FAF1: variants seen among roughly 807,000 people sequenced by gnomAD.
FAF1 encodes the protein Fas associated factor 1, also known as FAS-associated factor 1.
FAF1 carries 25 observed loss-of-function variants against 92.5 expected under a neutral mutation model. That is an observed-to-expected ratio of 0.27 (90% CI 0.20 to 0.38). The LOEUF (loss-of-function observed/expected upper bound fraction) is 0.38. FAF1 is among the 10% of genes least tolerant of loss of function. FAF1 has a pLI of 1.00. For synonymous variants in FAF1, 234 were observed against 273.2 expected (o/e 0.86, Z 1.42); for missense variants, 636 against 793.3 (o/e 0.80, Z 2.38).
intron 7 of FAF1, among the ~76,000 whole-genome samples, chr1:50,664,003 T>C (rs943700828): frequency 6.7e-6 from 1 of 149,266 alleles, no homozygotes; most frequent in African/African-American, 2.5e-5. Context: ...TTAATCTTTT[T>C]TTTTTTTTTT....
chr1:50,734,235 T>C (rs1480882469), intron 6 of FAF1, among the ~76,000 whole-genome samples: 1 of 152,240 alleles, frequency 6.6e-6, no homozygotes, highest in Admixed American at 6.5e-5. Context: ...CCATCAAGTT[T>C]TCTGAAAATA....
Position 50,819,750 on chromosome 1 carries a change from T to C in FAF1, c.115-18073A>G, listed in dbSNP as rs868261313. ...ATATACATATATATACATATATATA[T>C]ACATATATATATACGTATATATATA... On this transcript the variant is annotated intron_variant, in intron 2 of 18. Coordinates refer to ENST00000396153, the MANE Select transcript of FAF1 (RefSeq NM_007051.3). Among the ~76,000 whole-genome samples, 34 of 68,908 alleles carry C rather than the reference T, an allele frequency of 4.9e-4. 1 individual carries two copies. Among genetic ancestry groups the C allele is most frequent in the South Asian group, 1.6e-3 (3 of 1,860 alleles). The allele number at this position is 68,908 out of a possible 152,430, so 45.2% of individuals were successfully genotyped here.
intron 18 of FAF1, among the ~76,000 whole-genome samples, chr1:50,453,067 C>A (rs1179232831): frequency 6.6e-6 from 1 of 152,256 alleles, no homozygotes; most frequent in Admixed American, 6.5e-5. Flanking sequence ...TTTGGCCTCA[C>A]TTTCCCAGTT....
chr1:50,585,312 A>G (rs1426808996), intron 9 of FAF1, among the ~76,000 whole-genome samples: 4 of 152,204 alleles, frequency 2.6e-5, no homozygotes, highest in African/African-American at 9.6e-5. Context: ...AACATGAAAT[A>G]CACTACATAT....
intron 7 of FAF1, among the ~76,000 whole-genome samples, chr1:50,696,846 G>C (rs1657255957): frequency 6.6e-6 from 1 of 152,052 alleles, no homozygotes; most frequent in Non-Finnish European, 1.5e-5. Context: ...CCATGCATTA[G>C]CTGTAAGTAG....
intron 8 of FAF1, among the ~76,000 whole-genome samples, chr1:50,624,120 G>T (rs942956956): frequency 6.6e-6 from 1 of 152,130 alleles, no homozygotes; most frequent in Non-Finnish European, 1.5e-5. Flanking sequence ...CAGTCAAGTA[G>T]AAATGACTAG....
intron 7 of FAF1, among the ~76,000 whole-genome samples, chr1:50,703,912 T>C (rs1657572306): frequency 6.6e-6 from 1 of 152,186 alleles, no homozygotes; most frequent in African/African-American, 2.4e-5. Context: ...TAACGCTGCT[T>C]AAACATTTCA....
chr1:50,740,866 CTTTTTATCT>C (rs1347948348), intron 5 of FAF1, among the ~76,000 whole-genome samples: 1 of 152,048 alleles, frequency 6.6e-6, no homozygotes. Context: ...TTATTTTTCT[CTTTTTATCT>C]TTCATTGTTT....
At chr1:50,788,630 C>A (rs1163727443) in intron 3 of FAF1, among the ~76,000 whole-genome samples, 4 of 152,072 alleles carry the variant, frequency 2.6e-5, no homozygotes, top group Non-Finnish European at 5.9e-5. Context: ...TCAATTCTCC[C>A]CAATTCTCCC....
intron 4 of FAF1, among the ~76,000 whole-genome samples, chr1:50,769,778 T>G (rs781005947): frequency 6.6e-6 from 1 of 152,162 alleles, no homozygotes; most frequent in African/African-American, 2.4e-5. Flanking sequence ...AGGCTGGGTG[T>G]GGTGGCTCAC....
chr1:50,682,430 A>G (rs1204301876), intron 7 of FAF1, among the ~76,000 whole-genome samples: 1 of 152,116 alleles, frequency 6.6e-6, no homozygotes, highest in Non-Finnish European at 1.5e-5. Flanking sequence ...TTGATTGAGC[A>G]GGGAGATTGA....
chr1:50,770,051 A>T (rs1204361325), intron 4 of FAF1, among the ~76,000 whole-genome samples: 1 of 152,082 alleles, frequency 6.6e-6, no homozygotes, highest in East Asian at 1.9e-4. Context: ...ACTCTGTATT[A>T]AAAAAACAAA....
rs930470792 is a variant in FAF1 at position 50,797,652 on chromosome 1, T to C, written c.161+3979A>G. ...AAGTCGAGGCTGCAGGAGGCTGTGATTGTGCCTGGGCTACAGAGCAAGAGC... is the reference window on the plus strand; with the variant it reads ...AAGTCGAGGCTGCAGGAGGCTGTGACTGTGCCTGGGCTACAGAGCAAGAGC... On this transcript the variant is annotated intron_variant, in intron 3 of 18. Coordinates refer to ENST00000396153, the MANE Select transcript of FAF1 (RefSeq NM_007051.3). Among the ~76,000 whole-genome samples, 138 of 152,224 alleles carry C rather than the reference T, an allele frequency of 9.1e-4. 1 individual carries two copies. The highest frequency in any genetic ancestry group is 3.4e-3 in the Middle Eastern group (1 of 294).
rs1646147419 is a variant in FAF1 at position 50,438,903 on chromosome 1, C to T, written c.*2537G>A. On this transcript the variant is annotated 3_prime_UTR_variant, in exon 19 of 19. Transcript: ENST00000396153. ...GTGTGTGCTATAAAACTAGTAGTGC[C>T]AGAGAATGGCAACATCCGAAATCAG... 1 of 152,148 alleles carries T rather than the reference C, an allele frequency of 6.6e-6. No homozygotes were observed. The highest frequency in any genetic ancestry group is 1.5e-5 in the Non-Finnish European group (1 of 68,038). 9.4% of individuals were successfully genotyped at this position (152,148 alleles called of 1,614,324 possible). A position where few individuals can be genotyped will look rare whatever the true frequency, so the allele number is the denominator to read the frequency against.
intron 12 of FAF1, among the ~76,000 whole-genome samples, chr1:50,575,013 A>G (rs1166740085): frequency 7.1e-6 from 1 of 140,564 alleles, no homozygotes; most frequent in African/African-American, 2.7e-5. Context: ...GGTTCACGCC[A>G]TTCTCCTGCC....
intron 15 of FAF1, among the ~76,000 whole-genome samples, chr1:50,506,416 T>G (rs368209670): frequency 6.6e-6 from 1 of 152,102 alleles, no homozygotes; most frequent in South Asian, 2.1e-4. Context: ...TGTCCATCCT[T>G]TATCCTTGGC....
intron 8 of FAF1, among the ~76,000 whole-genome samples, chr1:50,611,838 C>T (rs1172694210): frequency 7.2e-5 from 11 of 152,154 alleles, no homozygotes; most frequent in Non-Finnish European, 1.6e-4. Context: ...ACCAACCTCC[C>T]CACATACCCA....
intron 15 of FAF1, among the ~76,000 whole-genome samples, chr1:50,530,361 G>A (rs550054988): frequency 1.2e-3 from 181 of 151,092 alleles, no homozygotes; most frequent in Non-Finnish European, 2.0e-3. Flanking sequence ...GGTCTGTTTA[G>A]TAAGTTTTGC....
intron 1 of FAF1, among the ~76,000 whole-genome samples, chr1:50,955,515 G>C (rs576867448): frequency 3.9e-5 from 6 of 152,274 alleles, no homozygotes; most frequent in Admixed American, 3.3e-4. Context: ...TTATTAAACA[G>C]GATGCTGACA....
Sources: gnomAD v4.1 joint callset for allele counts (sites outside exome capture counted in the v4.1 genomes callset) on GRCh38, gnomAD v4.1.1 for gene constraint, MANE v1.5 for transcripts, NCBI Gene and HGNC (gene_info 2026-07-23, HGNC 2026-07-21) for gene names.